PSORS1C1: variants seen among roughly 807,000 people sequenced by gnomAD.
The protein encoded by PSORS1C1 is psoriasis susceptibility 1 candidate 1.
In PSORS1C1, 7 loss-of-function variants were observed where a neutral mutation model predicts 9.4. The observed-to-expected ratio is 0.75, with a 90% CI of 0.42 to 1.40. PSORS1C1 has a LOEUF of 1.40. Ranked by LOEUF, PSORS1C1 falls within the 40% of genes most tolerant of loss-of-function variation. The probability of loss-of-function intolerance (pLI) is 0.01; values close to 1 mark genes in which losing one functional copy is unlikely to be tolerated. For synonymous variants in PSORS1C1, 63 were observed against 69.4 expected (o/e 0.91, Z 0.46); for missense variants, 146 against 178.1 (o/e 0.82, Z 1.02).
chr6:31,131,597 C>CAAAAAAAAAA, intron 3 of PSORS1C1, among the ~76,000 whole-genome samples: 1 of 78,392 alleles, frequency 1.3e-5, no homozygotes, highest in Non-Finnish European at 2.4e-5. Flanking sequence ...GACTCCGTCT[C>CAAAAAAAAAA]AAAAAAAAAA....
At position 31,115,054 on chromosome 6, in the gene PSORS1C1, A is replaced by G. The variant is rs1195034041; in HGVS notation, c.-229+163A>G. 2 of 368,226 alleles carry G rather than the reference A, an allele frequency of 5.4e-6. No individual in the cohort carries two copies. The highest frequency in any genetic ancestry group is 1.1e-5 in the Non-Finnish European group (2 of 187,816). 22.8% of individuals were successfully genotyped at this position (368,226 alleles called of 1,614,324 possible). A position where few individuals can be genotyped will look rare whatever the true frequency, so the allele number is the denominator to read the frequency against. ...CCTGGAGCAATGAGAGAGGAGGGAA[A>G]TGGCGGAAGGATCTGGGAGGCCAGG... On this transcript the variant is annotated intron_variant, in intron 1 of 5. Transcript: ENST00000259881. The surrounding 1 kb of genome is among the most constrained non-coding windows in gnomAD (Gnocchi z 4.2).
intron 3 of PSORS1C1, among the ~76,000 whole-genome samples, chr6:31,133,091 C>T (rs541970995): frequency 1.1e-4 from 17 of 152,110 alleles, no homozygotes; most frequent in Non-Finnish European, 1.9e-4. Flanking sequence ...GAAAAGGTCC[C>T]GGCAGAGGCA....
intron 1 of PSORS1C1, among the ~76,000 whole-genome samples, chr6:31,122,306 G>A (rs1772497109): frequency 6.6e-6 from 1 of 152,168 alleles, no homozygotes; most frequent in Admixed American, 6.5e-5. Context: ...AGCCCTGCAG[G>A]TGCTCCTGTC....
chr6:31,116,805 A>T, intron 1 of PSORS1C1: 1 of 1,613,558 alleles, frequency 6.2e-7, no homozygotes, highest in South Asian at 1.1e-5. Flanking sequence ...TACAGGGGGG[A>T]CCTTGAACCA....
At chr6:31,127,120 G>A (rs1772714477) in intron 2 of PSORS1C1, among the ~76,000 whole-genome samples, 1 of 152,226 alleles carries the variant, frequency 6.6e-6, no homozygotes, top group Non-Finnish European at 1.5e-5. Context: ...TTCCTCGACA[G>A]GGTGAAAGAG....
intron 3 of PSORS1C1, chr6:31,138,162 G>T (rs1773250702): frequency 1.9e-6 from 3 of 1,596,676 alleles, no homozygotes; most frequent in Middle Eastern, 1.7e-4. Flanking sequence ...ACTGGGGCGG[G>T]TAGGCGGAGG....
intron 3 of PSORS1C1, among the ~76,000 whole-genome samples, chr6:31,131,574 G>C (rs991103237): frequency 7.7e-6 from 1 of 130,224 alleles, no homozygotes. Flanking sequence ...TCTAGCCTGG[G>C]TGAAAAGAGC....
At position 31,128,210 on chromosome 6, in the gene PSORS1C1, A is replaced by G. The variant is rs1472407124; in HGVS notation, c.-64-1359A>G. Reference sequence around the variant, plus strand: ...GGACACCTGTGTGCCTTGATGGTGGACCCAGGGAGTGGATGACATTAGTGA... The same window carrying G: ...GGACACCTGTGTGCCTTGATGGTGGGCCCAGGGAGTGGATGACATTAGTGA... On this transcript the variant is annotated intron_variant, in intron 2 of 5. Transcript: ENST00000259881. This position sits in a 1 kb window ranked among gnomAD's most constrained non-coding sequence, Gnocchi z 4.3. 6.6e-6 allele frequency among the ~76,000 whole-genome samples: 1 copy of G among 152,160 alleles called. No homozygotes were observed. Among genetic ancestry groups the G allele is most frequent in the African/African-American group, 2.4e-5 (1 of 41,424 alleles).
At position 31,138,363 on chromosome 6, in the gene PSORS1C1, A is replaced by ACCCAGC. The variant is rs1383652498; in HGVS notation, c.14-55_14-50dup. 7 of 912,254 alleles carry ACCCAGC rather than the reference A, an allele frequency of 7.7e-6. No homozygotes were observed. The East Asian group carries it at 1.1e-4, about 14-fold the overall frequency. 56.5% of individuals were successfully genotyped at this position (912,254 alleles called of 1,614,324 possible). On this transcript the variant is annotated intron_variant, in intron 3 of 5. Coordinates refer to ENST00000259881, the MANE Select transcript of PSORS1C1 (RefSeq NM_014068.3). ...GGTGAGGGCTTCTCTCCCCAGCCCCACCCAGCCCCAGCCCCAGGAGGAGGA... is the reference window on the plus strand; with the variant it reads ...GGTGAGGGCTTCTCTCCCCAGCCCCACCCAGCCCCAGCCCCAGCCCCAGGAGGAGGA...
intron 2 of PSORS1C1, among the ~76,000 whole-genome samples, chr6:31,126,413 T>A (rs1662485306): frequency 6.6e-6 from 1 of 152,170 alleles, no homozygotes; most frequent in African/African-American, 2.4e-5. Flanking sequence ...CATAACGAGT[T>A]GCCCCTAGCT....
In PSORS1C1 at chr6:31,128,024, G is replaced by A. The variant is rs9263715; in HGVS notation, c.-64-1545G>A. 0.24 allele frequency among the ~76,000 whole-genome samples: 37,026 copies of A among 152,052 alleles called. 4,859 individuals carry two copies. The highest frequency in any genetic ancestry group is 0.37 in the Middle Eastern group (110 of 294). On this transcript the variant is annotated intron_variant, in intron 2 of 5. Coordinates refer to ENST00000259881, the MANE Select transcript of PSORS1C1 (RefSeq NM_014068.3). The surrounding 1 kb of genome is among the most constrained non-coding windows in gnomAD (Gnocchi z 4.3). The stretch of plus-strand genomic sequence containing the variant: ...GCTGTGGTATCCTCTCCTGTAGACC[G>A]CTGGCTCATGAAATAATCAGGGAGA...
At chr6:31,117,336 G>T (rs754976148) in intron 1 of PSORS1C1, 68 of 1,577,318 alleles carry the variant, frequency 4.3e-5, no homozygotes, top group Non-Finnish European at 5.7e-5. Flanking sequence ...TGCTGGATCC[G>T]CTGGAGCTAC....
At chr6:31,122,205 A>G (rs3094209) in intron 1 of PSORS1C1, among the ~76,000 whole-genome samples, 119,112 of 152,174 alleles carry the variant, frequency 0.78, 47,251 homozygotes, top group African/African-American at 0.9. Context: ...CACTTATTTC[A>G]CAAGGTTTTT....
chr6:31,126,847 T>C lies in PSORS1C1; in HGVS notation c.-65+1008T>C, dbSNP rs184561346. ...CAGCAGGGAGTCAGCTGTAGGGCAG[T>C]CGCTCCCTGGCCGAAGCCTTCCTGG... On this transcript the variant is annotated intron_variant, in intron 2 of 5. Transcript: ENST00000259881. Among the ~76,000 whole-genome samples, 102 of 142,226 alleles carry C rather than the reference T, an allele frequency of 7.2e-4. 1 individual carries two copies. In the East Asian group the frequency reaches 0.02, roughly 28 times the overall value. 93.3% of individuals were successfully genotyped at this position (142,226 alleles called of 152,430 possible). A position where few individuals can be genotyped will look rare whatever the true frequency, so the allele number is the denominator to read the frequency against.
At chr6:31,120,474 A>G in intron 1 of PSORS1C1, 2 of 1,402,074 alleles carry the variant, frequency 1.4e-6, no homozygotes, top group Non-Finnish European at 2.0e-6. Flanking sequence ...CGGGTCCTTT[A>G]TGCCAGAGCT....
intron 1 of PSORS1C1, among the ~76,000 whole-genome samples, chr6:31,119,435 G>A (rs1019296226): frequency 2.0e-5 from 3 of 152,182 alleles, no homozygotes; most frequent in African/African-American, 7.2e-5. Context: ...AGTACCCGGT[G>A]GTCAACAACA....
chr6:31,137,908 G>T (rs1396639835), intron 3 of PSORS1C1: 2 of 981,722 alleles, frequency 2.0e-6, no homozygotes, highest in Non-Finnish European at 1.4e-6. Context: ...GAGGGCGTGG[G>T]TGCCTGGAGA....
chr6:31,118,758 G>A (rs1012978488), intron 1 of PSORS1C1: 1 of 151,504 alleles, frequency 6.6e-6, no homozygotes, highest in Non-Finnish European at 1.5e-5. Context: ...ACATTCAGAG[G>A]GGCCAAATTT....
At chr6:31,120,591 G>A in intron 1 of PSORS1C1, 1 of 666,514 alleles carries the variant, frequency 1.5e-6, no homozygotes, top group East Asian at 2.7e-5. Context: ...AATCAGCCCG[G>A]TGCATCTGCC....
Sources: gnomAD v4.1 joint callset for allele counts (sites outside exome capture counted in the v4.1 genomes callset) on GRCh38, gnomAD v4.1.1 for gene constraint, Gnocchi (gnomAD v3.1) non-coding constraint, MANE v1.5 for transcripts, NCBI Gene and HGNC (gene_info 2026-07-23, HGNC 2026-07-21) for gene names.